RFPL1: variants seen among roughly 807,000 people sequenced by gnomAD.
RFPL1 encodes the protein ret finger protein-like 1.
In RFPL1, 6 loss-of-function variants were observed where a neutral mutation model predicts 9.6. The ratio of observed to expected loss-of-function variants is 0.62; its 90% CI spans 0.34 to 1.23. The LOEUF (loss-of-function observed/expected upper bound fraction) is 1.23. RFPL1 is among the 50% of genes most tolerant of loss of function. RFPL1 has a pLI of 0.03. For synonymous variants in RFPL1, 145 were observed against 149.4 expected, an observed-to-expected ratio of 0.97 and a Z score of 0.22; for missense variants, 352 against 398.4, an observed-to-expected ratio of 0.88 and a Z score of 0.99.
chr22:29,396,263 G>A, the RFPL1 span, among the ~76,000 whole-genome samples: 1 of 152,160 alleles, frequency 6.6e-6, no homozygotes, highest in African/African-American at 2.4e-5. Context: ...AGGTGTTTGG[G>A]TCATGAAGTC....
chr22:29,413,835 T>C, the RFPL1 span, among the ~76,000 whole-genome samples: 1 of 152,244 alleles, frequency 6.6e-6, no homozygotes, highest in Non-Finnish European at 1.5e-5. Flanking sequence ...CTTTAGCCAA[T>C]GTTTACACAC....
At chr22:29,419,859 G>GCAA in the RFPL1 span, among the ~76,000 whole-genome samples, 1 of 151,104 alleles carries the variant, frequency 6.6e-6, no homozygotes, top group Non-Finnish European at 1.5e-5. Context: ...CTGGATTGAA[G>GCAA]CAACAGGAAC....
upstream of RFPL1, chr22:29,434,751 C>T (rs951049649): frequency 6.5e-6 from 1 of 153,554 alleles, no homozygotes; most frequent in African/African-American, 2.4e-5. Context: ...AGCACTGTGC[C>T]TTTAACCACC....
chr22:29,407,473 G>A, the RFPL1 span, among the ~76,000 whole-genome samples: 1 of 151,502 alleles, frequency 6.6e-6, no homozygotes, highest in Non-Finnish European at 1.5e-5. Flanking sequence ...TGCTTGTATG[G>A]TAAGACTACA....
At chr22:29,412,699 T>C in the RFPL1 span, among the ~76,000 whole-genome samples, 45 of 152,070 alleles carry the variant, frequency 3.0e-4, no homozygotes, top group African/African-American at 3.9e-4. Context: ...ATGAACACAC[T>C]CCAGAGATGA....
the RFPL1 span, among the ~76,000 whole-genome samples, chr22:29,407,723 A>AT: frequency 1.6e-4 from 25 of 152,048 alleles, no homozygotes; most frequent in African/African-American, 7.3e-5. Context: ...ATTATTTACT[A>AT]TTTTTTGATT....
At chr22:29,430,601 A>G in the RFPL1 span, among the ~76,000 whole-genome samples, 1 of 152,176 alleles carries the variant, frequency 6.6e-6, no homozygotes, top group Non-Finnish European at 1.5e-5. Context: ...TTTTAAACCA[A>G]ACTTCTAAAT....
chr22:29,413,492 C>T, the RFPL1 span, among the ~76,000 whole-genome samples: 2 of 152,034 alleles, frequency 1.3e-5, no homozygotes, highest in Admixed American at 1.3e-4. Flanking sequence ...GTCCTTGGTG[C>T]CTTCTTACTG....
At chr22:29,441,798 C>T (rs199689739) in exon 2 of RFPL1, 2 of 1,613,928 alleles carry the variant, frequency 1.2e-6, no homozygotes, top group South Asian at 2.2e-5. Flanking sequence ...TCCATCTGAC[C>T]ACAGAGCGTG....
chr22:29,409,624 A>G, the RFPL1 span, among the ~76,000 whole-genome samples: 3 of 152,200 alleles, frequency 2.0e-5, no homozygotes, highest in African/African-American at 7.2e-5. Flanking sequence ...TGAAGACCTC[A>G]TGACACCGGA....
At chr22:29,391,628 G>A in the RFPL1 span, among the ~76,000 whole-genome samples, 1 of 152,202 alleles carries the variant, frequency 6.6e-6, no homozygotes, top group East Asian at 1.9e-4. Flanking sequence ...AGAGGTCACA[G>A]CACCGGGCGG....
chr22:29,406,395 G>T, the RFPL1 span, among the ~76,000 whole-genome samples: 1 of 151,966 alleles, frequency 6.6e-6, no homozygotes, highest in Non-Finnish European at 1.5e-5. Context: ...ATAGATCTTA[G>T]TAGGTCTATA....
chr22:29,389,902 G>A, the RFPL1 span, among the ~76,000 whole-genome samples: 2 of 151,680 alleles, frequency 1.3e-5, no homozygotes, highest in Non-Finnish European at 2.9e-5. Context: ...AGGTTCAAGC[G>A]ATTCTCCTGC....
At chr22:29,395,186 A>C in the RFPL1 span, among the ~76,000 whole-genome samples, 1 of 151,982 alleles carries the variant, frequency 6.6e-6, no homozygotes, top group African/African-American at 2.4e-5. Flanking sequence ...GTTCCCTTCA[A>C]TTGCCATCCT....
the RFPL1 span, among the ~76,000 whole-genome samples, chr22:29,393,368 G>T: frequency 3.0e-4 from 46 of 152,300 alleles, no homozygotes; most frequent in East Asian, 5.8e-3. Context: ...GCATGATCTG[G>T]CAGGAGAGCT....
chr22:29,397,546 A>G, the RFPL1 span, among the ~76,000 whole-genome samples: 3 of 148,610 alleles, frequency 2.0e-5, no homozygotes, highest in Non-Finnish European at 4.4e-5. Context: ...GATGGGCCAA[A>G]CAGAACAAAA....
At chr22:29,425,014 C>T in the RFPL1 span, among the ~76,000 whole-genome samples, 3 of 151,844 alleles carry the variant, frequency 2.0e-5, no homozygotes, top group South Asian at 2.1e-4. Context: ...ACCATCCTGG[C>T]TAACACAGTG....
At chr22:29,424,903 T>C in the RFPL1 span, among the ~76,000 whole-genome samples, 63 of 144,362 alleles carry the variant, frequency 4.4e-4, no homozygotes, top group African/African-American at 1.5e-3. Context: ...TTATATGTTA[T>C]AGAAAACCAC....
chr22:29,406,115 C>CAAAA, the RFPL1 span, among the ~76,000 whole-genome samples: 7 of 9,734 alleles, frequency 7.2e-4, 1 homozygote, highest in Non-Finnish European at 1.1e-3. Flanking sequence ...GACTCCTTCT[C>CAAAA]AAAAAAAAAA....
Sources: allele counts gnomAD v4.1 joint callset (sites outside exome capture counted in the v4.1 genomes callset), GRCh38; gene constraint gnomAD v4.1.1; transcripts MANE v1.5; gene names NCBI Gene and HGNC (gene_info 2026-07-23, HGNC 2026-07-21).